The following ALS2 variants were observed in gnomAD, a reference collection of about 807,000 sequenced individuals.
ALS2 encodes alsin Rho guanine nucleotide exchange factor ALS2.
ALS2 carries 117 observed loss-of-function variants against 203.4 expected under a neutral mutation model. The ratio of observed to expected loss-of-function variants is 0.58; its 90% CI spans 0.50 to 0.67. The LOEUF (loss-of-function observed/expected upper bound fraction) is 0.67, where lower values mean the gene tolerates loss of function less well. Ranked by LOEUF, ALS2 falls within the 30% of genes least tolerant of loss-of-function variation. ALS2 has a pLI of 0.00. For synonymous variants in ALS2, 718 were observed against 725.9 expected, an observed-to-expected ratio of 0.99 and a Z score of 0.17; for missense variants, 1,715 against 1,989.4, an observed-to-expected ratio of 0.86 and a Z score of 2.62.
At chr2:201,769,673 CAG>C (rs1694283650) in intron 1 of ALS2, among the ~76,000 whole-genome samples, 1 of 152,122 alleles carries the variant, frequency 6.6e-6, no homozygotes, top group Admixed American at 6.5e-5. Context: ...GAAAAATAAA[CAG>C]AAATGCTGAG....
At chr2:201,718,266 T>C in intron 23 of ALS2, 56 bp from the exon 24 acceptor site, 1 of 1,562,420 alleles carries the variant, frequency 6.4e-7, no homozygotes. Context: ...TCAATATTCA[T>C]TTATTTATTT....
In ALS2 at chr2:201,735,510, A is replaced by C. The variant is rs146972685; in HGVS notation, c.2418-2072T>G. 2.2e-4 allele frequency among the ~76,000 whole-genome samples: 33 copies of C among 152,386 alleles called. 1 individual carries two copies. Among genetic ancestry groups the C allele is most frequent in the African/African-American group, 6.5e-4 (27 of 41,596 alleles). ...CATCATCCAAGATCCACTAACAGCC[A>C]TGTGGGCAGCCTAGCTGTGCTTTAG... On this transcript the variant is annotated intron_variant, in intron 12 of 33. Transcript: ENST00000264276.
At chr2:201,723,190 T>C in intron 22 of ALS2, 70 bp from the exon 23 acceptor site, 1 of 1,414,930 alleles carries the variant, frequency 7.1e-7, no homozygotes, top group Non-Finnish European at 1.0e-6. Flanking sequence ...CACGCAGTCA[T>C]ATCCCCAAAG....
chr2:201,751,341 T>A (rs991706648), intron 7 of ALS2, among the ~76,000 whole-genome samples: 1 of 152,162 alleles, frequency 6.6e-6, no homozygotes, highest in Non-Finnish European at 1.5e-5. Context: ...TTCTCCTACA[T>A]CCTAATCAAT....
At chr2:201,713,414 G>GC (rs944847585) in intron 25 of ALS2, among the ~76,000 whole-genome samples, 1 of 152,054 alleles carries the variant, frequency 6.6e-6, no homozygotes, top group African/African-American at 2.4e-5. Flanking sequence ...ATGCCACCAT[G>GC]CCCAGCCCAT....
rs1574678097 is a variant in ALS2 at position 201,715,812 on chromosome 2, T to C, written c.3864A>G (p.Pro1288=). The C allele has an allele frequency of 6.2e-7, 1 of 1,614,100 alleles. No individual in the cohort carries two copies. Among genetic ancestry groups the C allele is most frequent in the East Asian group, 2.2e-5 (1 of 44,882 alleles). Residue 1288 remains proline, a synonymous_variant, in exon 25 of 34, where the codon CCA becomes CCG. Transcript: ENST00000264276. Reference sequence around the variant, plus strand: ...ACACCGCTTTCCACTTCTCATCAGCTGGCACTGCCAGGTTTCCTAGCTTCC... The same window carrying C: ...ACACCGCTTTCCACTTCTCATCAGCCGGCACTGCCAGGTTTCCTAGCTTCC... ...VFRKLGNLAV[P]ADEKWKAVFD... is the part of the protein sequence containing the mutation.
intron 15 of ALS2, among the ~76,000 whole-genome samples, chr2:201,728,072 T>C (rs1691303335): frequency 6.6e-6 from 1 of 152,248 alleles, no homozygotes; most frequent in South Asian, 2.1e-4. Flanking sequence ...AAATCCATGC[T>C]GTAGCTAAAA....
chr2:201,738,555 A>T (rs1476294189), intron 12 of ALS2, 115 bp downstream of exon 12: 2 of 983,562 alleles, frequency 2.0e-6, no homozygotes, highest in East Asian at 5.0e-5. Flanking sequence ...TTATATTTTG[A>T]CTTGTTTGGT....
chr2:201,729,895 A>C (rs1356320872), intron 13 of ALS2, among the ~76,000 whole-genome samples: 3 of 151,706 alleles, frequency 2.0e-5, no homozygotes, highest in Non-Finnish European at 4.4e-5. Context: ...AAAAAAAAAA[A>C]AAAAAAAACA....
rs1286024405 is a variant in ALS2, at chr2:201,728,570, G to C, written c.2783C>G (p.Ala928Gly). 6.2e-7 allele frequency: 1 copy of C among 1,614,144 alleles called. No individual in the cohort carries two copies. Among genetic ancestry groups the C allele is most frequent in the South Asian group, 1.1e-5 (1 of 91,088 alleles). Residue 928 changes from alanine to glycine, a missense_variant, in exon 15 of 34, where the codon GCT (alanine) becomes GGT (glycine). By Grantham distance (60) the Ala-to-Gly change is moderately conservative. Around this residue, in one of 3 missense-constraint regions of ALS2, gnomAD observed 1,227 missense variants for 1,413.5 expected, o/e 0.87. Transcript: ENST00000264276. ...GAACCAATTCACGGAAAACCTCCCAGCATGCTGCAGAGACAGGGCTCGGTT... is the reference window on the plus strand; with the variant it reads ...GAACCAATTCACGGAAAACCTCCCACCATGCTGCAGAGACAGGGCTCGGTT... ...SSNRALSLQHAGRFSVNWFIL... is the reference protein window; with the variant it reads ...SSNRALSLQHGGRFSVNWFIL...
intron 1 of ALS2, among the ~76,000 whole-genome samples, chr2:201,771,039 C>G (rs1050497100): frequency 1.5e-5 from 2 of 130,290 alleles, no homozygotes; most frequent in Non-Finnish European, 3.2e-5. Flanking sequence ...TCAGTATTTA[C>G]AGATTTTTTT....
At chr2:201,758,428 A>G (rs1693534918) in intron 4 of ALS2, among the ~76,000 whole-genome samples, 1 of 152,178 alleles carries the variant, frequency 6.6e-6, no homozygotes, top group African/African-American at 2.4e-5. Context: ...TCTTGCTACC[A>G]CAGATGGCAA....
intron 28 of ALS2, 152 bp downstream of exon 28, chr2:201,707,717 C>A: frequency 1.0e-6 from 1 of 976,008 alleles, no homozygotes; most frequent in Non-Finnish European, 1.6e-6. Context: ...GTGTGAGCCA[C>A]TGTGGCTGGC....
At chr2:201,727,089 A>C in intron 17 of ALS2, 123 bp downstream of exon 17, 1 of 1,053,604 alleles carries the variant, frequency 9.5e-7, no homozygotes, top group South Asian at 1.4e-5. Context: ...GGGTTAATGA[A>C]GATTTATCAG....
At chr2:201,747,320 G>A (rs1692728538) in intron 8 of ALS2, among the ~76,000 whole-genome samples, 1 of 151,944 alleles carries the variant, frequency 6.6e-6, no homozygotes, top group African/African-American at 2.4e-5. Flanking sequence ...CCATCTGCAG[G>A]GATCCCTTAG....
chr2:201,741,660 G>T lies in ALS2; in HGVS notation c.2351+14C>A. The T allele has an allele frequency of 6.2e-7, 1 of 1,612,816 alleles. No individual in the cohort carries two copies. Among genetic ancestry groups the T allele is most frequent in the East Asian group, 2.2e-5 (1 of 44,866 alleles). ...CCTGCAGAGATTGAACATGACACGG[G>T]ACTGGATACTTGCTCTGTATAACTA... On this transcript the variant is annotated intron_variant, in intron 11 of 33. Transcript: ENST00000264276.
intron 16 of ALS2, 87 bp from the exon 17 acceptor site, chr2:201,727,365 A>AAAGAGGTTGC: frequency 8.8e-7 from 1 of 1,133,572 alleles, no homozygotes. Flanking sequence ...CAACCTCTTT[A>AAAGAGGTTGC]TTTCAAGAGG....
intron 25 of ALS2, 60 bp from the exon 26 acceptor site, chr2:201,711,168 A>AG: frequency 9.4e-7 from 1 of 1,068,712 alleles, no homozygotes; most frequent in Non-Finnish European, 1.4e-6. Flanking sequence ...GATACGTGTA[A>AG]ATACTCACAT....
intron 11 of ALS2, among the ~76,000 whole-genome samples, chr2:201,739,235 C>CA (rs34341730): frequency 0.015 from 634 of 41,124 alleles, 3 homozygotes; most frequent in East Asian, 0.029. Flanking sequence ...GACTGTCTCC[C>CA]AAAAAAAAAA....
Sources: gnomAD v4.1 joint callset for allele counts (sites outside exome capture counted in the v4.1 genomes callset) on GRCh38, gnomAD v4.1.1 for gene constraint, gnomAD v4.1.1 regional missense constraint, MANE v1.5 for transcripts, NCBI Gene and HGNC (gene_info 2026-07-23, HGNC 2026-07-21) for gene names.